The following MYC variants were observed in gnomAD, a reference collection of about 807,000 sequenced individuals.
MYC encodes the protein MYC proto-oncogene, bHLH transcription factor.
In MYC, 1 loss-of-function variant was observed where a neutral mutation model predicts 30.5. The observed-to-expected ratio is 0.03, with a 90% CI of 0.01 to 0.16. The LOEUF is 0.16. Among genes scored for constraint, MYC ranks in the 10% least tolerant of loss-of-function variants. The probability of loss-of-function intolerance (pLI) is 1.00; values close to 1 mark genes in which losing one functional copy is unlikely to be tolerated. For missense variants in MYC, 508 were observed against 589.0 expected, an observed-to-expected ratio of 0.86 and a Z score of 1.42; for synonymous variants, 267 against 250.7, an observed-to-expected ratio of 1.07 and a Z score of -0.62.
chr8:127,736,062 G>A, upstream of MYC: 1 of 403,562 alleles, frequency 2.5e-6, no homozygotes, highest in Non-Finnish European at 4.4e-6. Context: ...GGGTCTGGAC[G>A]GCTGAGGACC....
chr8:127,738,871 C>T lies in MYC; in HGVS notation c.654C>T (p.Ser218=). ...TCCCCTACCCTCTCAACGACAGCAGCTCGCCCAAGTCCTGCGCCTCGCAAG... is the reference window on the plus strand; with the variant it reads ...TCCCCTACCCTCTCAACGACAGCAGTTCGCCCAAGTCCTGCGCCTCGCAAG... Residue 218 remains serine (S), a synonymous_variant, in exon 2 of 3, where the codon AGC becomes AGT. Transcript: ENST00000621592. The surrounding 1 kb of genome is among the most constrained non-coding windows in gnomAD (Gnocchi z 7.6). 2 of 1,612,574 alleles carry T rather than the reference C, an allele frequency of 1.2e-6. No homozygotes were observed. Among genetic ancestry groups the T allele is most frequent in the South Asian group, 2.2e-5 (2 of 91,064 alleles).
In MYC at chr8:127,738,399, G is replaced by A; in HGVS notation, c.182G>A (p.Ser61Asn). 6.2e-7 allele frequency: 1 copy of A among 1,613,876 alleles called. No homozygotes were observed. The highest frequency in any genetic ancestry group is 2.2e-5 in the East Asian group (1 of 44,856). Residue 61 changes from serine to asparagine, a missense_variant, in exon 2 of 3, where the codon AGC becomes AAC. By Grantham distance (46) the Ser-to-Asn change is conservative. This residue lies in a region of MYC where 70 missense variants were observed against 84.5 expected (regional missense o/e 0.83). Transcript: ENST00000621592. This position sits in a 1 kb window ranked among gnomAD's most constrained non-coding sequence, Gnocchi z 7.6. Reference sequence around the variant, plus strand: ...AGCGAGCTGCAGCCCCCGGCGCCCAGCGAGGATATCTGGAAGAAATTCGAG... The same window carrying A: ...AGCGAGCTGCAGCCCCCGGCGCCCAACGAGGATATCTGGAAGAAATTCGAG...
chr8:127,736,749 G>A lies in MYC; in HGVS notation c.30+126G>A, dbSNP rs987504296. 13 of 1,117,016 alleles carry A rather than the reference G, an allele frequency of 1.2e-5. No homozygotes were observed. In the African/African-American group the frequency reaches 2.0e-4, roughly 17 times the overall value. The allele number at this position is 1,117,016 out of a possible 1,614,324, so 69.2% of individuals were successfully genotyped here. ...CGCTATTGACACTTTTCTCAGAGTAGTTATGGTAACTGGGGCTGGGGTGGG... is the reference window on the plus strand; with the variant it reads ...CGCTATTGACACTTTTCTCAGAGTAATTATGGTAACTGGGGCTGGGGTGGG... On this transcript the variant is annotated intron_variant, in intron 1 of 2. Coordinates refer to ENST00000621592, the MANE Select transcript of MYC (RefSeq NM_002467.6).
chr8:127,736,508 G>T lies in MYC; in HGVS notation c.-86G>T. On this transcript the variant is annotated 5_prime_UTR_variant, in exon 1 of 3. Transcript: ENST00000621592. The stretch of plus-strand genomic sequence containing the variant: ...AAGGACGCGACTCTCCCGACGCGGG[G>T]AGGCTATTCTGCCCATTTGGGGACA... 6.8e-7 allele frequency: 1 copy of T among 1,465,086 alleles called. No homozygotes were observed. Among genetic ancestry groups the T allele is most frequent in the Non-Finnish European group, 9.5e-7 (1 of 1,054,592 alleles). The allele number at this position is 1,465,086 out of a possible 1,614,324, so 90.8% of individuals were successfully genotyped here.
chr8:127,740,839 G>A lies in MYC; in HGVS notation c.1246G>A (p.Ala416Thr), dbSNP rs756611896. 9 of 1,613,956 alleles carry A rather than the reference G, an allele frequency of 5.6e-6. No individual in the cohort carries two copies. Among genetic ancestry groups the A allele is most frequent in the East Asian group, 2.2e-5 (1 of 44,898 alleles). The change falls in exon 3 of 3, where the codon GCA becomes ACA. Residue 416 changes from alanine to threonine, a missense_variant. This residue lies in a region of MYC where 40 missense variants were observed against 78.4 expected (regional missense o/e 0.51). Coordinates refer to ENST00000621592, the MANE Select transcript of MYC (RefSeq NM_002467.6). ...GGTAGTTATCCTTAAAAAAGCCACA[G>A]CATACATCCTGTCCGTCCAAGCAGA...
rs73707292 is a variant in MYC, at chr8:127,736,342, C to A, written c.-252C>A. ...TGCGGGCGTCCTGGGAAGGGAGATC[C>A]GGAGCGAATAGGGGGCTTCGCCTCT... On this transcript the variant is annotated 5_prime_UTR_variant, in exon 1 of 3. Transcript: ENST00000621592. 4 of 593,258 alleles carry A rather than the reference C, an allele frequency of 6.7e-6. No homozygotes were observed. Among genetic ancestry groups the A allele is most frequent in the Non-Finnish European group, 1.2e-5 (4 of 334,274 alleles). The allele number at this position is 593,258 out of a possible 1,614,324, so 36.7% of individuals were successfully genotyped here.
rs2130097896 is a variant in MYC, at chr8:127,738,971, C to T, written c.754C>T (p.Pro252Ser). 6.4e-7 allele frequency: 1 copy of T among 1,564,036 alleles called. No individual in the cohort carries two copies. Among genetic ancestry groups the T allele is most frequent in the Non-Finnish European group, 8.6e-7 (1 of 1,163,038 alleles). The change falls in exon 2 of 3, where the codon CCC (proline) becomes TCC (serine). Residue 252 changes from proline (P) to serine (S), a missense_variant. Around this residue, in one of 5 missense-constraint regions of MYC, gnomAD observed 364 missense variants for 381.1 expected, o/e 0.96. Transcript: ENST00000621592. This position sits in a 1 kb window ranked among gnomAD's most constrained non-coding sequence, Gnocchi z 7.6. ...GTCCTCCCCGCAGGGCAGCCCCGAG[C>T]CCCTGGTGCTCCATGAGGAGACACC...
At chr8:127,739,962 G>A (rs1030102671) in intron 2 of MYC, among the ~76,000 whole-genome samples, 1 of 146,710 alleles carries the variant, frequency 6.8e-6, no homozygotes, top group Admixed American at 6.7e-5. Flanking sequence ...TGGCTAGATT[G>A]GTTCTTTTTT....
chr8:127,737,250 C>T (rs2130087151), intron 1 of MYC, among the ~76,000 whole-genome samples: 1 of 152,368 alleles, frequency 6.6e-6, no homozygotes, highest in African/African-American at 2.4e-5. Flanking sequence ...ACCTGGGTCT[C>T]TAGAGGTGTT....
In MYC at chr8:127,741,344, A is replaced by C. The variant is rs900793735; in HGVS notation, c.*386A>C. The stretch of plus-strand genomic sequence containing the variant: ...CTATAAACCCTAATTTTTTTTATTT[A>C]AGTACATTTTGCTTTTTAAAGTTGA... On this transcript the variant is annotated 3_prime_UTR_variant, in exon 3 of 3. Coordinates refer to ENST00000621592, the MANE Select transcript of MYC (RefSeq NM_002467.6). The C allele has an allele frequency of 1.7e-5, 4 of 234,748 alleles. No homozygotes were observed. Among genetic ancestry groups the C allele is most frequent in the Non-Finnish European group, 3.4e-5 (4 of 119,378 alleles). The allele number at this position is 234,748 out of a possible 1,614,324, so 14.5% of individuals were successfully genotyped here. A position where few individuals can be genotyped will look rare whatever the true frequency, so the allele number is the denominator to read the frequency against.
chr8:127,735,760 T>G (rs1453066785), upstream of MYC: 3 of 398,942 alleles, frequency 7.5e-6, no homozygotes, highest in Non-Finnish European at 1.3e-5. Flanking sequence ...AGGACAAGGA[T>G]GCGGTTTGTC....
At chr8:127,736,222 G>A, upstream of MYC, 1 of 500,670 alleles carries the variant, frequency 2.0e-6, no homozygotes. Context: ...GGTTTTCGGG[G>A]CTTTATCTAA....
In MYC at chr8:127,741,470, A is replaced by T; in HGVS notation, c.*512A>T. ...TTTTGTTTCGTTTCTTCCCCCTCCC[A>T]ACCACCACCATCCCTGTTTGTTTTC... On this transcript the variant is annotated 3_prime_UTR_variant, in exon 3 of 3. Coordinates refer to ENST00000621592, the MANE Select transcript of MYC (RefSeq NM_002467.6). 4.9e-6 allele frequency: 1 copy of T among 204,706 alleles called. No homozygotes were observed. Among genetic ancestry groups the T allele is most frequent in the Non-Finnish European group, 1.0e-5 (1 of 100,310 alleles). The allele number at this position is 204,706 out of a possible 1,614,324, so 12.7% of individuals were successfully genotyped here.
chr8:127,736,095 C>T, upstream of MYC: 1 of 425,402 alleles, frequency 2.4e-6, no homozygotes, highest in Non-Finnish European at 4.1e-6. Flanking sequence ...TGCTCGCGGC[C>T]GCCACCGCCG....
Position 127,738,102 on chromosome 8 carries a change from C to G in MYC, c.31-146C>G. 3.2e-6 allele frequency: 3 copies of G among 938,022 alleles called. No individual in the cohort carries two copies. Among genetic ancestry groups the G allele is most frequent in the Admixed American group, 5.8e-5 (2 of 34,690 alleles). The allele number at this position is 938,022 out of a possible 1,614,324, so 58.1% of individuals were successfully genotyped here. On this transcript the variant is annotated intron_variant, in intron 1 of 2. Transcript: ENST00000621592. This position sits in a 1 kb window ranked among gnomAD's most constrained non-coding sequence, Gnocchi z 7.6. ...GTGAAAGGGTGCTCCCTTTATTCCCCCACCAAGACCACCCAGCCGCTTTAG... is the reference window on the plus strand; with the variant it reads ...GTGAAAGGGTGCTCCCTTTATTCCCGCACCAAGACCACCCAGCCGCTTTAG...
Position 127,736,499 on chromosome 8 carries a change from C to T in MYC, c.-95C>T. The T allele has an allele frequency of 7.1e-7, 1 of 1,415,692 alleles. No individual in the cohort carries two copies. The allele number at this position is 1,415,692 out of a possible 1,614,324, so 87.7% of individuals were successfully genotyped here. On this transcript the variant is annotated 5_prime_UTR_variant, in exon 1 of 3. Coordinates refer to ENST00000621592, the MANE Select transcript of MYC (RefSeq NM_002467.6). ...CACCCGAGCAAGGACGCGACTCTCC[C>T]GACGCGGGGAGGCTATTCTGCCCAT...
In MYC at chr8:127,742,383, G is replaced by A. The variant is rs1385900463; in HGVS notation, c.*1425G>A. On this transcript the variant is annotated 3_prime_UTR_variant, in exon 3 of 3. Coordinates refer to ENST00000621592, the MANE Select transcript of MYC (RefSeq NM_002467.6). ...CAAGCCACCTCTCAGACGACGGTAG[G>A]AATCAGCTGGCTGCTTGTGAGTACA... 6.6e-6 allele frequency among the ~76,000 whole-genome samples: 1 copy of A among 152,236 alleles called. No individual in the cohort carries two copies. Among genetic ancestry groups the A allele is most frequent in the Non-Finnish European group, 1.5e-5 (1 of 68,036 alleles).
intron 1 of MYC, among the ~76,000 whole-genome samples, chr8:127,737,009 C>T (rs2130085953): frequency 6.6e-6 from 1 of 152,382 alleles, no homozygotes; most frequent in South Asian, 2.1e-4. Flanking sequence ...GCATCCTGAG[C>T]TCCTTGGAGT....
chr8:127,736,178 A>T (rs1176924168), upstream of MYC: 1 of 461,028 alleles, frequency 2.2e-6, no homozygotes, highest in African/African-American at 2.0e-5. Context: ...CGGGAAAAAG[A>T]ACGGAGGGAG....
Sources: allele counts gnomAD v4.1 joint callset (sites outside exome capture counted in the v4.1 genomes callset), GRCh38; gene constraint gnomAD v4.1.1; regional missense constraint gnomAD v4.1.1; non-coding constraint Gnocchi (gnomAD v3.1); transcripts MANE v1.5; gene names NCBI Gene and HGNC (gene_info 2026-07-23, HGNC 2026-07-21).